The following GRM8 variants were observed in gnomAD, a reference collection of about 807,000 sequenced individuals.
GRM8 encodes the protein glutamate metabotropic receptor 8, also known as metabotropic glutamate receptor 8.
In GRM8, 47 loss-of-function variants were observed where a neutral mutation model predicts 87.2. The observed-to-expected ratio is 0.54, with a 90% CI of 0.43 to 0.69. GRM8 has a LOEUF of 0.69. Ranked by LOEUF, GRM8 falls within the 30% of genes least tolerant of loss-of-function variation. The probability of loss-of-function intolerance (pLI) is 0.00; values close to 1 mark genes in which losing one functional copy is unlikely to be tolerated. For missense variants in GRM8, 1,019 were observed against 1,139.2 expected (o/e 0.89, Z 1.52); for synonymous variants, 396 against 404.5 (o/e 0.98, Z 0.25).
chr7:126,502,015 T>A (rs913585220), intron 9 of GRM8, among the ~76,000 whole-genome samples: 4 of 152,144 alleles, frequency 2.6e-5, no homozygotes, highest in African/African-American at 9.6e-5. Context: ...GCAGCAAGGT[T>A]GGATTGATTA....
intron 9 of GRM8, among the ~76,000 whole-genome samples, chr7:126,483,589 G>T (rs1329842797): frequency 6.7e-6 from 1 of 149,136 alleles, no homozygotes; most frequent in Non-Finnish European, 1.5e-5. Context: ...CATTTATCTG[G>T]TCTAGAGTAT....
At chr7:126,474,733 T>C (rs1805699520) in intron 9 of GRM8, among the ~76,000 whole-genome samples, 1 of 152,142 alleles carries the variant, frequency 6.6e-6, no homozygotes, top group Non-Finnish European at 1.5e-5. Context: ...CTGCCTCATA[T>C]AAGACTGGTA....
intron 8 of GRM8, among the ~76,000 whole-genome samples, chr7:126,553,962 A>G (rs1324588258): frequency 1.3e-5 from 2 of 152,166 alleles, no homozygotes; most frequent in Non-Finnish European, 2.9e-5. Context: ...TTTGCTCCCA[A>G]TGTTCATGGT....
At chr7:126,534,190 AT>A (rs769612098) in intron 8 of GRM8, among the ~76,000 whole-genome samples, 110 of 152,178 alleles carry the variant, frequency 7.2e-4, no homozygotes, top group Non-Finnish European at 1.3e-3. Context: ...ACTAAAAAAA[AT>A]AAAATACAAA....
At position 126,613,021 on chromosome 7, in the gene GRM8, T is replaced by C. The variant is rs1585222199; in HGVS notation, c.1358-3523A>G. On this transcript the variant is annotated intron_variant, in intron 7 of 10. Transcript: ENST00000339582. ...TATTACTGATGACCCTTGCATCTTG[T>C]TTTCCTAATGCGATTTCTAGTCTTA... is the stretch of plus-strand genomic sequence containing the variant. Among the ~76,000 whole-genome samples the C allele has an allele frequency of 1.3e-5, 2 of 152,332 alleles. 1 individual carries two copies. Among genetic ancestry groups the C allele is most frequent in the East Asian group, 3.9e-4 (2 of 5,182 alleles).
intron 8 of GRM8, among the ~76,000 whole-genome samples, chr7:126,559,382 C>T (rs1255076374): frequency 2.0e-5 from 3 of 151,774 alleles, no homozygotes; most frequent in Admixed American, 6.6e-5. Flanking sequence ...CATGTTACTC[C>T]GACTGGTCTC....
chr7:126,473,633 T>A (rs1263928749), intron 9 of GRM8, among the ~76,000 whole-genome samples: 1 of 152,142 alleles, frequency 6.6e-6, no homozygotes, highest in Non-Finnish European at 1.5e-5. Flanking sequence ...CATAGTTAGT[T>A]TTGAAATATG....
intron 7 of GRM8, among the ~76,000 whole-genome samples, chr7:126,763,780 C>T (rs187975288): frequency 6.6e-6 from 1 of 151,734 alleles, no homozygotes; most frequent in Admixed American, 6.6e-5. Context: ...ATTAAAATTC[C>T]AGAAAATACT....
intron 3 of GRM8, among the ~76,000 whole-genome samples, chr7:126,977,716 G>T (rs1187058806): frequency 6.6e-6 from 1 of 152,122 alleles, no homozygotes; most frequent in Non-Finnish European, 1.5e-5. Context: ...CATCAACCTA[G>T]TTCTAAATCT....
chr7:126,818,810 G>A (rs1186179106), intron 6 of GRM8, among the ~76,000 whole-genome samples: 3 of 152,158 alleles, frequency 2.0e-5, no homozygotes, highest in Non-Finnish European at 4.4e-5. Flanking sequence ...ATAGTAGTAA[G>A]GTGAATGACT....
At chr7:126,719,845 A>G (rs1585654761) in intron 7 of GRM8, among the ~76,000 whole-genome samples, 2 of 127,218 alleles carry the variant, frequency 1.6e-5, no homozygotes, top group Admixed American at 1.6e-4. Flanking sequence ...GATAGTCTTT[A>G]GTCTTGAAAA....
At chr7:126,679,488 G>A (rs1038985651) in intron 7 of GRM8, among the ~76,000 whole-genome samples, 1 of 152,180 alleles carries the variant, frequency 6.6e-6, no homozygotes, top group Non-Finnish European at 1.5e-5. Context: ...CTAATGCCTA[G>A]AGAGTGAAAC....
intron 9 of GRM8, among the ~76,000 whole-genome samples, chr7:126,481,680 A>G (rs77201985): frequency 1.0e-3 from 155 of 152,196 alleles, no homozygotes; most frequent in Non-Finnish European, 2.0e-3. Context: ...ACAGATTGAA[A>G]AAAACCAAGG....
In GRM8 at chr7:126,865,388, G is replaced by T. The variant is rs561430326; in HGVS notation, c.1156+37154C>A. On this transcript the variant is annotated intron_variant, in intron 6 of 10. Coordinates refer to ENST00000339582, the MANE Select transcript of GRM8 (RefSeq NM_000845.3). ...AGGCTTTATTCTTCTAATCAAGAAAGAACTTTTATTTTGGTAACAGCTTTA... is the reference window on the plus strand; with the variant it reads ...AGGCTTTATTCTTCTAATCAAGAAATAACTTTTATTTTGGTAACAGCTTTA... 2.6e-5 allele frequency among the ~76,000 whole-genome samples: 4 copies of T among 152,268 alleles called. No homozygotes were observed. In the South Asian group the frequency reaches 8.3e-4, roughly 32 times the overall value.
intron 3 of GRM8, among the ~76,000 whole-genome samples, chr7:127,071,633 T>C (rs6467110): frequency 0.35 from 52,770 of 152,078 alleles, 9,598 homozygotes; most frequent in Non-Finnish European, 0.41. Context: ...TCAGACGTTT[T>C]TCCTATTTCT....
At chr7:127,124,103 T>C (rs1226468097) in intron 2 of GRM8, among the ~76,000 whole-genome samples, 2 of 152,116 alleles carry the variant, frequency 1.3e-5, no homozygotes, top group African/African-American at 4.8e-5. Flanking sequence ...AGAAAACATT[T>C]TCAAAAAAGA....
rs1354524449 is a variant in GRM8, at chr7:127,252,147, C to G, written c.-312+650G>C. The G allele has an allele frequency of 6.6e-6, 1 of 152,180 alleles. No individual in the cohort carries two copies. Among genetic ancestry groups the G allele is most frequent in the South Asian group, 2.1e-4 (1 of 4,804 alleles). The allele number at this position is 152,180 out of a possible 1,614,324, so 9.4% of individuals were successfully genotyped here. On this transcript the variant is annotated intron_variant, in intron 1 of 10. Transcript: ENST00000339582. The surrounding 1 kb of genome is among the most constrained non-coding windows in gnomAD (Gnocchi z 4.9). ...AAGGTACCTCGTCATCTCGGCGGGG[C>G]AAGTCCGGATTCCACCAGGGCAGGT...
chr7:126,501,776 AGGCT>A (rs540887638), intron 9 of GRM8, among the ~76,000 whole-genome samples: 206 of 152,082 alleles, frequency 1.4e-3, no homozygotes, highest in Admixed American at 2.5e-3. Context: ...CTATCAATGA[AGGCT>A]GCTACAAGAA....
chr7:126,917,639 G>A (rs575744169), intron 3 of GRM8, among the ~76,000 whole-genome samples: 60 of 152,220 alleles, frequency 3.9e-4, no homozygotes, highest in African/African-American at 1.4e-3. Flanking sequence ...GGAGTCAAAT[G>A]CAAACCTTGT....
Sources: gnomAD v4.1 joint callset for allele counts (sites outside exome capture counted in the v4.1 genomes callset) on GRCh38, gnomAD v4.1.1 for gene constraint, Gnocchi (gnomAD v3.1) non-coding constraint, MANE v1.5 for transcripts, NCBI Gene and HGNC (gene_info 2026-07-23, HGNC 2026-07-21) for gene names.